The following TTC39A variants were observed in gnomAD, a reference collection of about 807,000 sequenced individuals.
TTC39A encodes tetratricopeptide repeat protein 39A.
A neutral mutation model predicts 82.3 loss-of-function variants in TTC39A; 46 were observed. That is an observed-to-expected ratio of 0.56 (90% CI 0.44 to 0.71). TTC39A has a LOEUF of 0.71. Among genes scored for constraint, TTC39A ranks in the 30% least tolerant of loss-of-function variants. The pLI is 0.00. For missense variants in TTC39A, 543 were observed against 712.9 expected (o/e 0.76, Z 2.71); for synonymous variants, 254 against 275.2 (o/e 0.92, Z 0.76).
chr1:51,313,499 A>G (rs1430538483), intron 2 of TTC39A, among the ~76,000 whole-genome samples: 1 of 152,024 alleles, frequency 6.6e-6, no homozygotes, highest in African/African-American at 2.4e-5. Context: ...CCCACATCCT[A>G]GGAGATCCTG....
At chr1:51,302,229 G>C (rs1365566113) in intron 11 of TTC39A, 128 bp downstream of exon 11, 3 of 1,025,440 alleles carry the variant, frequency 2.9e-6, no homozygotes, top group South Asian at 2.7e-5. Context: ...TCTCTGGTTG[G>C]TTCTCTCTTG....
At chr1:51,334,458 G>A (rs1645949603), upstream of TTC39A, among the ~76,000 whole-genome samples, 1 of 151,882 alleles carries the variant, frequency 6.6e-6, no homozygotes, top group African/African-American at 2.4e-5. Context: ...AACCAAGATC[G>A]CACTATTGCA....
rs112265588 is a variant in TTC39A, at chr1:51,311,452, G to A, written c.356-131C>T. ...CAGCACCTCTCCTGTCCCCTACCTC[G>A]TCACCCAGTGCTTCAGAGCATTCGT... On this transcript the variant is annotated intron_variant, in intron 4 of 17. Transcript: ENST00000680483. The A allele has an allele frequency of 3.0e-4, 224 of 737,668 alleles. 5 individuals carry two copies. Among genetic ancestry groups the A allele is most frequent in the African/African-American group, 2.5e-3 (139 of 56,676 alleles). 45.7% of individuals were successfully genotyped at this position (737,668 alleles called of 1,614,324 possible).
At chr1:51,300,818 G>A (rs61780359) in intron 12 of TTC39A, 7,863 of 152,262 alleles carry the variant, frequency 0.052, 310 homozygotes, top group Non-Finnish European at 0.071. Context: ...CTCAGCCCAT[G>A]AGGAATCTTC....
At position 51,309,526 on chromosome 1, in the gene TTC39A, GGTACACATACTCT is replaced by G. The variant is rs1645004578; in HGVS notation, c.424-214_424-202del. 2.3e-6 allele frequency: 3 copies of G among 1,300,782 alleles called. No homozygotes were observed. The African/African-American group carries it at 4.5e-5, about 20-fold the overall frequency. The allele number at this position is 1,300,782 out of a possible 1,614,324, so 80.6% of individuals were successfully genotyped here. A position where few individuals can be genotyped will look rare whatever the true frequency, so the allele number is the denominator to read the frequency against. On this transcript the variant is annotated intron_variant, in intron 5 of 17. Transcript: ENST00000680483. Reference sequence around the variant, plus strand: ...TGCCCAGGGTTGGACCAGCCTCCCAGGTACACATACTCTGTGCTTGGAGAGAGGCCTGGAGGGG... The same window carrying G: ...TGCCCAGGGTTGGACCAGCCTCCCAGGTGCTTGGAGAGAGGCCTGGAGGGG...
At position 51,288,818 on chromosome 1, in the gene TTC39A, C is replaced by A. The variant is rs374418431; in HGVS notation, c.1610+21G>T. ...GAGTTCAGAGGGAGCAAAGGACAGA[C>A]TGAGGTTACCCAAGCCTTACTTGGC... is the stretch of plus-strand genomic sequence containing the variant. On this transcript the variant is annotated intron_variant, in intron 17 of 17. Coordinates refer to ENST00000680483, the MANE Select transcript of TTC39A (RefSeq NM_001297663.2). This position sits in a 1 kb window ranked among gnomAD's most constrained non-coding sequence, Gnocchi z 4.8. 1 of 1,578,360 alleles carries A rather than the reference C, an allele frequency of 6.3e-7. No individual in the cohort carries two copies. The highest frequency in any genetic ancestry group is 8.6e-7 in the Non-Finnish European group (1 of 1,160,972).
At chr1:51,320,416 C>CTTT (rs57261779) in intron 2 of TTC39A, among the ~76,000 whole-genome samples, 1 of 79,448 alleles carries the variant, frequency 1.3e-5, no homozygotes, top group Non-Finnish European at 2.4e-5. Flanking sequence ...TTTTCTTTTT[C>CTTT]TTTTTTTTTT....
intron 8 of TTC39A, among the ~76,000 whole-genome samples, chr1:51,303,951 C>T (rs533450271): frequency 2.0e-5 from 3 of 152,298 alleles, no homozygotes; most frequent in East Asian, 1.9e-4. Context: ...TTCCAAAGCT[C>T]GGGCAGCAGA....
chr1:51,301,726 CG>C lies in TTC39A; in HGVS notation c.898del (p.Arg300GlyfsTer24). On this transcript the variant is annotated frameshift_variant, in exon 12 of 18. Coordinates refer to ENST00000680483, the MANE Select transcript of TTC39A (RefSeq NM_001297663.2). LOFTEE classifies it high-confidence loss of function. ...GGCCTCACAGCACTCCTCGAAACGC[CG>C]GATGGCCTGCAGGCACCTTCTGGTC... Reference protein sequence around the residue: ...VIKGNIDAAIRRFEECCEAQQ... With the variant: ...VIKGNIDAAIXRFEECCEAQQ... 6.2e-7 allele frequency: 1 copy of C among 1,604,564 alleles called. No homozygotes were observed. Among genetic ancestry groups the C allele is most frequent in the South Asian group, 1.1e-5 (1 of 90,956 alleles).
In TTC39A at chr1:51,305,063, T is replaced by TA; in HGVS notation, c.654+17dup. ...CTGGGGCTGAGCAGGTCAGGGGTGC[T>TA]AGGAGGCAGGTGGTTACCTTGTTTC... On this transcript the variant is annotated intron_variant, in intron 8 of 17. Coordinates refer to ENST00000680483, the MANE Select transcript of TTC39A (RefSeq NM_001297663.2). 6.2e-7 allele frequency: 1 copy of TA among 1,612,842 alleles called. No individual in the cohort carries two copies. Among genetic ancestry groups the TA allele is most frequent in the South Asian group, 1.1e-5 (1 of 91,024 alleles).
chr1:51,332,587 T>C (rs987943017), upstream of TTC39A, among the ~76,000 whole-genome samples: 7 of 152,350 alleles, frequency 4.6e-5, no homozygotes, highest in South Asian at 4.1e-4. Flanking sequence ...AGCACTGTAG[T>C]TGGAGACTGC....
At chr1:51,337,910 T>C (rs568127161) in intron 1 of TTC39A, among the ~76,000 whole-genome samples, 2 of 152,274 alleles carry the variant, frequency 1.3e-5, no homozygotes, top group African/African-American at 2.4e-5. Flanking sequence ...GGTCTCACTA[T>C]ATCGCCCAGG....
In TTC39A at chr1:51,294,382, C is replaced by T. The variant is rs773350134; in HGVS notation, c.1266+9G>A. On this transcript the variant is annotated intron_variant, in intron 14 of 17. Coordinates refer to ENST00000680483, the MANE Select transcript of TTC39A (RefSeq NM_001297663.2). This position sits in a 1 kb window ranked among gnomAD's most constrained non-coding sequence, Gnocchi z 4.3. ...CGGAGGGCAGCGCCAGTCCAGACCTCCTACCCACCAGAGCAGGCACTGGCA... is the reference window on the plus strand; with the variant it reads ...CGGAGGGCAGCGCCAGTCCAGACCTTCTACCCACCAGAGCAGGCACTGGCA... The T allele has an allele frequency of 7.1e-5, 115 of 1,613,850 alleles. No homozygotes were observed. The highest frequency in any genetic ancestry group is 9.6e-5 in the Non-Finnish European group (113 of 1,179,888).
rs114005982 is a variant in TTC39A at position 51,295,801 on chromosome 1, A to G, written c.1145+278T>C. The G allele has an allele frequency of 8.0e-3, 4,180 of 520,826 alleles. 119 individuals carry two copies. Among genetic ancestry groups the G allele is most frequent in the African/African-American group, 0.067 (3,520 of 52,346 alleles). The allele number at this position is 520,826 out of a possible 1,614,324, so 32.3% of individuals were successfully genotyped here. On this transcript the variant is annotated intron_variant, in intron 13 of 17. Transcript: ENST00000680483. The stretch of plus-strand genomic sequence containing the variant: ...TGGAGCCACATCTGTCCTACTGTCC[A>G]CATGAAAGAGACTCGGAGGAAGACG...
At chr1:51,324,723 C>T (rs1297280914) in intron 1 of TTC39A, among the ~76,000 whole-genome samples, 1 of 151,858 alleles carries the variant, frequency 6.6e-6, no homozygotes, top group Non-Finnish European at 1.5e-5. Context: ...GAGGTTTCAC[C>T]ATGTTGGCTA....
chr1:51,313,366 A>T (rs1645157721), intron 2 of TTC39A, among the ~76,000 whole-genome samples: 1 of 151,666 alleles, frequency 6.6e-6, no homozygotes, highest in Admixed American at 6.6e-5. Context: ...TTTAGCCCAA[A>T]CCCCACCCCT....
intron 2 of TTC39A, among the ~76,000 whole-genome samples, chr1:51,315,502 G>T (rs1474581001): frequency 2.6e-5 from 4 of 152,194 alleles, no homozygotes; most frequent in African/African-American, 4.8e-5. Context: ...GGCACTGGAA[G>T]GCAGAGGCAG....
intron 5 of TTC39A, 42 bp downstream of exon 5, chr1:51,311,212 C>T: frequency 6.5e-7 from 1 of 1,540,232 alleles, no homozygotes. Flanking sequence ...GGAAACTGAT[C>T]TTCTGAAATC....
Position 51,321,928 on chromosome 1 carries a change from C to G in TTC39A, c.42-103G>C. On this transcript the variant is annotated intron_variant, in intron 1 of 17. Transcript: ENST00000680483. This position sits in a 1 kb window ranked among gnomAD's most constrained non-coding sequence, Gnocchi z 4.6. The stretch of plus-strand genomic sequence containing the variant: ...GGGTCTACTCAGCCTCCCTGGCCAG[C>G]CTTGGGTGCCTGTCACGAGCTCCTC... 7.4e-7 allele frequency: 1 copy of G among 1,348,998 alleles called. No individual in the cohort carries two copies. Among genetic ancestry groups the G allele is most frequent in the Non-Finnish European group, 1.0e-6 (1 of 972,928 alleles). 83.6% of individuals were successfully genotyped at this position (1,348,998 alleles called of 1,614,324 possible).
Sources: gnomAD v4.1 joint callset for allele counts (sites outside exome capture counted in the v4.1 genomes callset) on GRCh38, gnomAD v4.1.1 for gene constraint, Gnocchi (gnomAD v3.1) non-coding constraint, MANE v1.5 for transcripts, NCBI Gene and HGNC (gene_info 2026-07-23, HGNC 2026-07-21) for gene names.